Variants in ADAMTSL3 observed in about 807,000 individuals in gnomAD.
ADAMTSL3 encodes the protein ADAMTS like 3.
Under a neutral mutation model 201.7 loss-of-function variants are expected in ADAMTSL3, and 128 were observed. The observed-to-expected ratio is 0.63, with a 90% CI of 0.55 to 0.73. The LOEUF is 0.73. Among genes scored for constraint, ADAMTSL3 ranks in the 30% least tolerant of loss-of-function variants. ADAMTSL3 has a pLI of 0.00. For synonymous variants in ADAMTSL3, 738 were observed against 748.4 expected, an observed-to-expected ratio of 0.99 and a Z score of 0.23; for missense variants, 1,990 against 2,119.6, an observed-to-expected ratio of 0.94 and a Z score of 1.20.
At chr15:83,975,672 G>C (rs1447324670) in intron 20 of ADAMTSL3, among the ~76,000 whole-genome samples, 1 of 152,204 alleles carries the variant, frequency 6.6e-6, no homozygotes, top group East Asian at 1.9e-4. Flanking sequence ...TGACATGTCT[G>C]TTCATCGGGC....
chr15:84,019,065 C>CCCCACACACATACACA (rs1567305862), intron 25 of ADAMTSL3, among the ~76,000 whole-genome samples: 1 of 53,620 alleles, frequency 1.9e-5, no homozygotes, highest in Non-Finnish European at 3.4e-5. Flanking sequence ...ATATCCCCCA[C>CCCCACACACATACACA]CACACACACA....
intron 17 of ADAMTSL3, among the ~76,000 whole-genome samples, chr15:83,925,692 C>G (rs546340486): frequency 6.6e-6 from 1 of 152,184 alleles, no homozygotes; most frequent in South Asian, 2.1e-4. Context: ...TTGGAATGAC[C>G]CTTCTATCTT....
At chr15:83,833,623 T>G (rs1356432167) in intron 6 of ADAMTSL3, among the ~76,000 whole-genome samples, 1 of 152,226 alleles carries the variant, frequency 6.6e-6, no homozygotes, top group Non-Finnish European at 1.5e-5. Flanking sequence ...TGGGCTATAC[T>G]GATGATACTT....
At chr15:83,897,455 T>C (rs539474053) in intron 13 of ADAMTSL3, among the ~76,000 whole-genome samples, 1 of 152,290 alleles carries the variant, frequency 6.6e-6, no homozygotes, top group South Asian at 2.1e-4. Flanking sequence ...TTCATTAGAA[T>C]TTTATTATAT....
intron 17 of ADAMTSL3, among the ~76,000 whole-genome samples, chr15:83,931,367 T>C (rs748160414): frequency 2.6e-5 from 4 of 152,308 alleles, no homozygotes; most frequent in Admixed American, 2.6e-4. Context: ...CCATCTCCAG[T>C]TCCTTGTGAC....
chr15:83,936,959 G>A (rs913641178), intron 17 of ADAMTSL3, among the ~76,000 whole-genome samples: 2 of 150,762 alleles, frequency 1.3e-5, no homozygotes, highest in South Asian at 4.2e-4. Flanking sequence ...AAACCATAGC[G>A]AGATACCATC....
Position 83,747,386 on chromosome 15 carries a change from A to G in ADAMTSL3, c.190-26137A>G, listed in dbSNP as rs115096274. ...ACTGCAAGGCAGTAGTAGTGTCCCC[A>G]CTTTGGTCAGTTTCTGCTCTGGCAG... is the stretch of plus-strand genomic sequence containing the variant. On this transcript the variant is annotated intron_variant, in intron 3 of 29. Transcript: ENST00000286744. 3.2e-3 allele frequency among the ~76,000 whole-genome samples: 487 copies of G among 152,292 alleles called. 3 individuals carry two copies. Among genetic ancestry groups the G allele is most frequent in the African/African-American group, 0.011 (462 of 41,550 alleles).
chr15:83,864,476 C>T (rs1403399749), intron 8 of ADAMTSL3, among the ~76,000 whole-genome samples: 7 of 152,140 alleles, frequency 4.6e-5, no homozygotes, highest in African/African-American at 7.2e-5. Context: ...AATCAATAAA[C>T]GTAATCCAGC....
intron 6 of ADAMTSL3, among the ~76,000 whole-genome samples, chr15:83,835,150 C>T (rs1054323884): frequency 4.0e-5 from 6 of 148,616 alleles, no homozygotes; most frequent in South Asian, 2.1e-4. Context: ...AGGAAAATGG[C>T]GTGAACCCAG....
chr15:84,019,491 A>G (rs1442457249), intron 25 of ADAMTSL3, among the ~76,000 whole-genome samples: 1 of 152,202 alleles, frequency 6.6e-6, no homozygotes, highest in African/African-American at 2.4e-5. Flanking sequence ...ATTAAAAACT[A>G]TGGTAGATTT....
intron 9 of ADAMTSL3, among the ~76,000 whole-genome samples, chr15:83,882,079 C>G (rs61371724): frequency 0.1 from 15,578 of 151,968 alleles, 1,042 homozygotes; most frequent in East Asian, 0.35. Flanking sequence ...TGGTGTGAAC[C>G]CGGGAGGCAG....
chr15:83,723,115 A>C (rs925327628), intron 3 of ADAMTSL3, among the ~76,000 whole-genome samples: 3 of 152,214 alleles, frequency 2.0e-5, no homozygotes, highest in African/African-American at 7.2e-5. Flanking sequence ...GACAAAAAAG[A>C]GATAGTAGAT....
At chr15:83,871,571 A>G (rs1426121541) in intron 9 of ADAMTSL3, among the ~76,000 whole-genome samples, 15 of 152,128 alleles carry the variant, frequency 9.9e-5, no homozygotes, top group Admixed American at 9.8e-4. Context: ...GGCTGATTCA[A>G]GATCAGGATT....
intron 2 of ADAMTSL3, among the ~76,000 whole-genome samples, chr15:83,661,399 T>A (rs1463109964): frequency 6.6e-6 from 1 of 151,772 alleles, no homozygotes; most frequent in Non-Finnish European, 1.5e-5. Flanking sequence ...CAATATTGAT[T>A]CTTCCTACCC....
intron 6 of ADAMTSL3, among the ~76,000 whole-genome samples, chr15:83,832,755 T>C (rs1321441212): frequency 1.3e-5 from 2 of 152,156 alleles, no homozygotes; most frequent in Admixed American, 1.3e-4. Flanking sequence ...TAAATGTCTG[T>C]ATAGTTTTCT....
intron 7 of ADAMTSL3, among the ~76,000 whole-genome samples, chr15:83,847,909 T>A (rs538446480): frequency 6.6e-6 from 1 of 152,164 alleles, no homozygotes; most frequent in South Asian, 2.1e-4. Flanking sequence ...TATCTCATTT[T>A]AAAAAATGCA....
intron 2 of ADAMTSL3, among the ~76,000 whole-genome samples, chr15:83,677,838 CT>C (rs898330461): frequency 1.3e-5 from 2 of 151,466 alleles, no homozygotes; most frequent in Admixed American, 6.6e-5. Flanking sequence ...TTTAGTCTCA[CT>C]TTTTTTTGTT....
At chr15:83,918,888 A>G (rs995690724) in intron 16 of ADAMTSL3, among the ~76,000 whole-genome samples, 3 of 152,206 alleles carry the variant, frequency 2.0e-5, no homozygotes, top group African/African-American at 7.2e-5. Flanking sequence ...TATTCCAGAC[A>G]AGAGCTTAGA....
chr15:83,850,460 TTA>T (rs991544036), intron 7 of ADAMTSL3, among the ~76,000 whole-genome samples: 5 of 150,758 alleles, frequency 3.3e-5, no homozygotes, highest in African/African-American at 1.2e-4. Flanking sequence ...ATGTGTATGT[TTA>T]TATATGTGTA....
Sources: gnomAD v4.1 joint callset for allele counts (sites outside exome capture counted in the v4.1 genomes callset) on GRCh38, gnomAD v4.1.1 for gene constraint, MANE v1.5 for transcripts, NCBI Gene and HGNC (gene_info 2026-07-23, HGNC 2026-07-21) for gene names.